The following ANK2 variants were observed in gnomAD, a reference collection of about 807,000 sequenced individuals.
ANK2 encodes the protein ankyrin-2.
Under a neutral mutation model 360.5 loss-of-function variants are expected in ANK2, and 83 were observed. The ratio of observed to expected loss-of-function variants is 0.23; its 90% CI spans 0.19 to 0.28. ANK2 has a LOEUF of 0.28. Among genes scored for constraint, ANK2 ranks in the 10% least tolerant of loss-of-function variants. ANK2 has a pLI of 1.00. For missense variants in ANK2, 4,201 were observed against 4,795.7 expected (o/e 0.88, Z 3.66); for synonymous variants, 1,740 against 1,759.5 (o/e 0.99, Z 0.28).
chr4:112,786,301 TATG>T, the ANK2 span, among the ~76,000 whole-genome samples: 1 of 147,106 alleles, frequency 6.8e-6, no homozygotes, highest in Non-Finnish European at 1.5e-5. Context: ...TATATGGCAA[TATG>T]AGGTGTGGGT....
chr4:113,084,403 G>A (rs1163720273), intron 1 of ANK2, among the ~76,000 whole-genome samples: 2 of 152,190 alleles, frequency 1.3e-5, no homozygotes, highest in African/African-American at 2.4e-5. Flanking sequence ...ACTGAAAATC[G>A]TCAGTGTAAT....
chr4:113,072,880 C>G (rs532218772), intron 1 of ANK2, among the ~76,000 whole-genome samples: 1 of 143,622 alleles, frequency 7.0e-6, no homozygotes, highest in Admixed American at 7.1e-5. Context: ...GTTTTCATCA[C>G]AAAATGTATG....
upstream of ANK2, among the ~76,000 whole-genome samples, chr4:112,815,915 T>G (rs1472764792): frequency 6.6e-6 from 1 of 152,250 alleles, no homozygotes; most frequent in Non-Finnish European, 1.5e-5. Context: ...TATAATATTC[T>G]TTATAACAAA....
In ANK2 at chr4:113,149,874, CAAAAAAAAAAAAA is replaced by C. The variant is rs34667216; in HGVS notation, c.85-24528_85-24516del. 4.1e-4 allele frequency among the ~76,000 whole-genome samples: 13 copies of C among 31,408 alleles called. No homozygotes were observed. The East Asian group carries it at 6.1e-3, about 15-fold the overall frequency. 20.6% of individuals were successfully genotyped at this position (31,408 alleles called of 152,430 possible). On this transcript the variant is annotated intron_variant, in intron 1 of 45. Coordinates refer to ENST00000357077, the MANE Select transcript of ANK2 (RefSeq NM_001148.6). ...CTTGCGTGAGAGTGAGACCCTGCCT[CAAAAAAAAAAAAA>C]AAAAAAAAAAAAAGAAAGATTGAAA...
At position 113,353,801 on chromosome 4, in the gene ANK2, T is replaced by C; in HGVS notation, c.5183T>C (p.Leu1728Pro). The change falls in exon 38 of 46, where the codon CTT (leucine) becomes CCT (proline). Residue 1728 changes from leucine to proline, a missense_variant. Leu to Pro is a moderately conservative substitution (Grantham distance 98). Transcript: ENST00000357077. Reference sequence around the variant, plus strand: ...CAAGCTAGTGCAGAGAAAGCTGAACTTAAAAAAGGTAGTTCAGAAGAGTCA... The same window carrying C: ...CAAGCTAGTGCAGAGAAAGCTGAACCTAAAAAAGGTAGTTCAGAAGAGTCA... ...GLQASAEKAE[L>P]KKGSSEESLG... 1 of 1,613,874 alleles carries C rather than the reference T, an allele frequency of 6.2e-7. No homozygotes were observed. Among genetic ancestry groups the C allele is most frequent in the South Asian group, 1.1e-5 (1 of 91,058 alleles).
chr4:113,244,010 C>CT (rs1187375495), intron 9 of ANK2, among the ~76,000 whole-genome samples: 1 of 152,034 alleles, frequency 6.6e-6, no homozygotes, highest in African/African-American at 2.4e-5. Context: ...ATTTGTGTGG[C>CT]TTACATATAT....
Position 113,250,928 on chromosome 4 carries a change from G to A in ANK2, c.990+1066G>A, listed in dbSNP as rs186911396. ...TGTAGAATGAACTCAATTTGTAAAG[G>A]TGTGCCCACATGCCATAAAAGAGTG... is the stretch of plus-strand genomic sequence containing the variant. On this transcript the variant is annotated intron_variant, in intron 10 of 45. Transcript: ENST00000357077. Among the ~76,000 whole-genome samples the A allele has an allele frequency of 2.4e-3, 361 of 152,146 alleles. 1 individual carries two copies. Among genetic ancestry groups the A allele is most frequent in the African/African-American group, 7.9e-3 (329 of 41,490 alleles).
the ANK2 span, among the ~76,000 whole-genome samples, chr4:112,755,611 A>G: frequency 2.6e-5 from 4 of 152,036 alleles, no homozygotes; most frequent in Non-Finnish European, 5.9e-5. Context: ...TACAAAGTAC[A>G]TTTATCAGGG....
chr4:113,210,645 A>T (rs966455921), intron 4 of ANK2, among the ~76,000 whole-genome samples: 2 of 152,208 alleles, frequency 1.3e-5, no homozygotes. Flanking sequence ...TATCTGTAAA[A>T]CAGGTAAGGA....
At chr4:113,096,411 C>T (rs1001458262) in intron 1 of ANK2, among the ~76,000 whole-genome samples, 2 of 152,114 alleles carry the variant, frequency 1.3e-5, no homozygotes, top group African/African-American at 2.4e-5. Context: ...GCTCCATGGG[C>T]TCAGGAATCC....
At chr4:112,864,124 G>A (rs528006766) in intron 1 of ANK2, among the ~76,000 whole-genome samples, 10 of 152,144 alleles carry the variant, frequency 6.6e-5, no homozygotes, top group Non-Finnish European at 1.3e-4. Context: ...TTTTGTAGAA[G>A]GAAGAAAACA....
At position 113,373,111 on chromosome 4, in the gene ANK2, C is replaced by G. The variant is rs369756604; in HGVS notation, c.11632C>G (p.Pro3878Ala). The change falls in exon 44 of 46, where the codon CCC (proline) becomes GCC (alanine). Residue 3878 changes from proline (P) to alanine (A), a missense_variant. Coordinates refer to ENST00000357077, the MANE Select transcript of ANK2 (RefSeq NM_001148.6). ...TTAGGGAGACGATATGCCTGAAATA[C>G]CCCCAGAAACAGTCACAGAAGAAGA... ...FEKGDDMPEI[P>A]PETVTEEEYI... 1.5e-5 allele frequency: 25 copies of G among 1,613,884 alleles called. No homozygotes were observed. Among genetic ancestry groups the G allele is most frequent in the Non-Finnish European group, 2.1e-5 (25 of 1,179,936 alleles).
At chr4:112,852,075 A>G (rs934556020) in intron 1 of ANK2, among the ~76,000 whole-genome samples, 1 of 152,222 alleles carries the variant, frequency 6.6e-6, no homozygotes, top group Non-Finnish European at 1.5e-5. Context: ...AAGGTTGTTC[A>G]TAAATCTGTT....
At position 113,026,552 on chromosome 4, in the gene ANK2, A is replaced by T. The variant is rs181884106; in HGVS notation, c.21+122038A>T. 2.6e-3 allele frequency among the ~76,000 whole-genome samples: 398 copies of T among 152,320 alleles called. 3 individuals carry two copies. The highest frequency in any genetic ancestry group is 3.4e-3 in the Middle Eastern group (1 of 294). ...CACATCAAAACTTTCATTGGATTGA[A>T]TTTTTGTAGGAAATTTTGACCTATA... is the stretch of plus-strand genomic sequence containing the variant. On this transcript the variant is annotated intron_variant, in intron 2 of 30. Transcript: ENST00000503271.
chr4:113,258,176 A>T, intron 12 of ANK2, 28 bp downstream of exon 12: 1 of 1,591,774 alleles, frequency 6.3e-7, no homozygotes, highest in Non-Finnish European at 8.6e-7. Context: ...CTAGTCACAA[A>T]GCATTCCTTC....
chr4:112,941,407 C>A, intron 2 of ANK2, among the ~76,000 whole-genome samples: 3 of 142,086 alleles, frequency 2.1e-5, no homozygotes, highest in African/African-American at 5.1e-5. Context: ...CTATATGAAC[C>A]TAATTAGTTA....
chr4:112,923,716 G>A (rs1341239618), intron 2 of ANK2, among the ~76,000 whole-genome samples: 2 of 151,964 alleles, frequency 1.3e-5, no homozygotes, highest in Admixed American at 6.6e-5. Flanking sequence ...AATCTCTTGA[G>A]TAAAGTTGTA....
At chr4:113,280,918 C>T (rs1433460632) in intron 17 of ANK2, among the ~76,000 whole-genome samples, 1 of 152,164 alleles carries the variant, frequency 6.6e-6, no homozygotes, top group Non-Finnish European at 1.5e-5. Context: ...GTTGACTAAA[C>T]TTATTTGGTC....
chr4:113,053,547 C>T (rs186558525), intron 1 of ANK2, among the ~76,000 whole-genome samples: 149 of 152,216 alleles, frequency 9.8e-4, no homozygotes, highest in Admixed American at 1.0e-3. Context: ...GAAATGTATC[C>T]GTGTAAGACA....
Sources: allele counts gnomAD v4.1 joint callset (sites outside exome capture counted in the v4.1 genomes callset), GRCh38; gene constraint gnomAD v4.1.1; transcripts MANE v1.5; gene names NCBI Gene and HGNC (gene_info 2026-07-23, HGNC 2026-07-21).